Variants in HOXA3 observed in about 807,000 individuals in gnomAD.
The protein encoded by HOXA3 is homeobox A3, also known as homeobox protein Hox-A3.
A neutral mutation model predicts 30.3 loss-of-function variants in HOXA3; 8 were observed. The ratio of observed to expected loss-of-function variants is 0.26; its 90% CI spans 0.15 to 0.48. The LOEUF (loss-of-function observed/expected upper bound fraction) is 0.48, where lower values mean the gene tolerates loss of function less well. Ranked by LOEUF, HOXA3 falls within the 20% of genes least tolerant of loss-of-function variation. The pLI is 0.99. For synonymous variants in HOXA3, 323 were observed against 273.1 expected, an observed-to-expected ratio of 1.18 and a Z score of -1.80; for missense variants, 653 against 614.4, an observed-to-expected ratio of 1.06 and a Z score of -0.66.
At chr7:27,131,591 T>G (rs1785561529) in intron 2 of HOXA3, among the ~76,000 whole-genome samples, 3 of 152,196 alleles carry the variant, frequency 2.0e-5, no homozygotes. Flanking sequence ...TGACGGGGGT[T>G]GTCGATGTGA....
intron 1 of HOXA3, among the ~76,000 whole-genome samples, chr7:27,146,206 T>C (rs1782758617): frequency 6.6e-6 from 1 of 152,062 alleles, no homozygotes; most frequent in Non-Finnish European, 1.5e-5. Flanking sequence ...TAATTTGGGA[T>C]GCCCAGGTCG....
At chr7:27,119,694 G>A (rs1784910474) in intron 4 of HOXA3, 1 of 152,164 alleles carries the variant, frequency 6.6e-6, no homozygotes, top group African/African-American at 2.4e-5. Context: ...GGCTGTGCAT[G>A]ATTCCTCCCC....
At chr7:27,130,156 A>G in intron 2 of HOXA3, 1 of 1,602,378 alleles carries the variant, frequency 6.2e-7, no homozygotes. Flanking sequence ...GGGGTACACC[A>G]CGGGCTCCTT....
At chr7:27,109,239 G>A (rs1784223628) in intron 5 of HOXA3, among the ~76,000 whole-genome samples, 1 of 152,210 alleles carries the variant, frequency 6.6e-6, no homozygotes, top group Non-Finnish European at 1.5e-5. Flanking sequence ...GGCCTTCTCT[G>A]CCCAAAGAAG....
At chr7:27,127,096 T>C (rs1320351702) in intron 2 of HOXA3, 26 bp from the exon 3 acceptor site, 1 of 152,202 alleles carries the variant, frequency 6.6e-6, no homozygotes, top group East Asian at 1.9e-4. Context: ...GAAGTATTTA[T>C]TGTTTGAGGT....
intron 1 of HOXA3, chr7:27,143,431 C>T: frequency 6.2e-7 from 1 of 1,612,844 alleles, no homozygotes; most frequent in Non-Finnish European, 8.5e-7. Context: ...GGCCGGAGCC[C>T]GAGCGGCCGA....
chr7:27,124,135 A>G (rs1583389845), intron 3 of HOXA3: 1 of 152,206 alleles, frequency 6.6e-6, no homozygotes, highest in Admixed American at 6.5e-5. Flanking sequence ...GCTGTACCCC[A>G]TAAATCGTTC....
intron 1 of HOXA3, chr7:27,141,630 C>A: frequency 2.0e-6 from 1 of 504,210 alleles, no homozygotes; most frequent in Non-Finnish European, 3.3e-6. Context: ...CAAAGCCATT[C>A]AGGACAAAGA....
At chr7:27,148,294 C>A (rs1426837438) in intron 1 of HOXA3, among the ~76,000 whole-genome samples, 1 of 152,274 alleles carries the variant, frequency 6.6e-6, no homozygotes, top group East Asian at 1.9e-4. Flanking sequence ...CAGAGTTGCC[C>A]CTCCCCTAGC....
In HOXA3 at chr7:27,145,850, C is replaced by T. The variant is rs2128061988; in HGVS notation, c.-493-5664G>A. The T allele has an allele frequency of 4.3e-6, 7 of 1,614,248 alleles. No individual in the cohort carries two copies. The African/African-American group carries it at 5.3e-5, about 12-fold the overall frequency. On this transcript the variant is annotated intron_variant, in intron 1 of 5. Coordinates refer to ENST00000612286, the MANE Select transcript of HOXA3 (RefSeq NM_153631.3). ...AGCGGTTGAAGTGGAACTCCTTCTC[C>T]AGCTCCAGTGTCTGGTAGCGCGTGT... is the stretch of plus-strand genomic sequence containing the variant.
At chr7:27,147,302 T>C (rs753482837) in intron 1 of HOXA3, 1 of 1,612,172 alleles carries the variant, frequency 6.2e-7, no homozygotes, top group Admixed American at 1.7e-5. Context: ...TTGGGATATG[T>C]CTTACCCGCG....
chr7:27,130,951 C>A (rs576664025), intron 2 of HOXA3, among the ~76,000 whole-genome samples: 19 of 151,972 alleles, frequency 1.3e-4, no homozygotes, highest in African/African-American at 4.6e-4. Flanking sequence ...GCCCCGTGCC[C>A]CACGTGCAGC....
At position 27,113,467 on chromosome 7, in the gene HOXA3, G is replaced by T. The variant is rs759343266; in HGVS notation, c.-120-2707C>A. Among the ~76,000 whole-genome samples, 1 of 152,138 alleles carries T rather than the reference G, an allele frequency of 6.6e-6. No homozygotes were observed. The highest frequency in any genetic ancestry group is 2.4e-5 in the African/African-American group (1 of 41,428). ...GAGGTGGGGGCGGGGATGGGAAAGC[G>T]GCCTGAACTCGAAGTGTAAGGGTAT... On this transcript the variant is annotated intron_variant, in intron 4 of 5. Transcript: ENST00000612286. This position sits in a 1 kb window ranked among gnomAD's most constrained non-coding sequence, Gnocchi z 4.8.
At chr7:27,124,453 GCT>G (rs1231328505) in intron 3 of HOXA3, 1 of 152,214 alleles carries the variant, frequency 6.6e-6, no homozygotes, top group African/African-American at 2.4e-5. Flanking sequence ...GACGCGGCGC[GCT>G]CCCTGGACTC....
Position 27,107,386 on chromosome 7 carries a change from A to T in HOXA3, c.*529T>A, listed in dbSNP as rs1399508181. On this transcript the variant is annotated 3_prime_UTR_variant, in exon 6 of 6. Coordinates refer to ENST00000612286, the MANE Select transcript of HOXA3 (RefSeq NM_153631.3). Reference sequence around the variant, plus strand: ...CAATGCTTGCAAAAAAATATAAATAAATCTGACTGTTCACCAGCATACACA... The same window carrying T: ...CAATGCTTGCAAAAAAATATAAATATATCTGACTGTTCACCAGCATACACA... The T allele has an allele frequency of 1.3e-5, 2 of 152,156 alleles. No homozygotes were observed. The highest frequency in any genetic ancestry group is 2.9e-5 in the Non-Finnish European group (2 of 68,050). The allele number at this position is 152,156 out of a possible 1,614,324, so 9.4% of individuals were successfully genotyped here. A position where few individuals can be genotyped will look rare whatever the true frequency, so the allele number is the denominator to read the frequency against.
intron 2 of HOXA3, among the ~76,000 whole-genome samples, chr7:27,139,327 C>G (rs1030998345): frequency 2.6e-5 from 4 of 152,148 alleles, no homozygotes; most frequent in Non-Finnish European, 4.4e-5. Flanking sequence ...GGAGGGGGTC[C>G]TGAACACCCC....
intron 1 of HOXA3, chr7:27,147,492 A>G: frequency 6.2e-7 from 1 of 1,614,170 alleles, no homozygotes. Context: ...GCGAGGCGCC[A>G]CTGAGGTCCT....
chr7:27,109,157 C>T (rs1275553705), intron 5 of HOXA3, among the ~76,000 whole-genome samples: 1 of 152,196 alleles, frequency 6.6e-6, no homozygotes, highest in East Asian at 1.9e-4. Flanking sequence ...AATAATTAGG[C>T]AGTAGCTTCA....
At chr7:27,147,589 G>A in intron 1 of HOXA3, 1 of 1,614,262 alleles carries the variant, frequency 6.2e-7, no homozygotes. Flanking sequence ...GAAACAAGGT[G>A]AGGTGTACGT....
Sources: gnomAD v4.1 joint callset for allele counts (sites outside exome capture counted in the v4.1 genomes callset) on GRCh38, gnomAD v4.1.1 for gene constraint, Gnocchi (gnomAD v3.1) non-coding constraint, MANE v1.5 for transcripts, NCBI Gene and HGNC (gene_info 2026-07-23, HGNC 2026-07-21) for gene names.